The following AFF2 variants were observed in gnomAD, a reference collection of about 807,000 sequenced individuals.
AFF2 encodes the protein AF4/FMR2 family member 2.
AFF2 carries 14 observed loss-of-function variants against 76.9 expected under a neutral mutation model. That is an observed-to-expected ratio of 0.18 (90% CI 0.12 to 0.28). AFF2 has a LOEUF of 0.28. Ranked by LOEUF, AFF2 falls within the 10% of genes least tolerant of loss-of-function variation. The pLI, the probability that AFF2 is intolerant of heterozygous loss-of-function variation, is 1.00. For synonymous variants in AFF2, 398 were observed against 366.7 expected (o/e 1.09, Z -0.98); for missense variants, 868 against 1,001.1 (o/e 0.87, Z 1.79).
chrX:148,891,464 G>T (rs782183215), intron 8 of AFF2, among the ~76,000 whole-genome samples: 2 of 111,295 alleles, frequency 1.8e-5, no homozygotes, highest in African/African-American at 6.5e-5. Flanking sequence ...AGTCTCAAAG[G>T]TTTTTTTAAC....
At chrX:148,586,212 A>C (rs901796785) in intron 1 of AFF2, among the ~76,000 whole-genome samples, 7 of 111,316 alleles carry the variant, frequency 6.3e-5, no homozygotes, top group African/African-American at 2.3e-4. Flanking sequence ...AGGTGTATTA[A>C]CTAGGCTTGA....
At chrX:148,659,306 C>A (rs183857466) in intron 2 of AFF2, among the ~76,000 whole-genome samples, 1 of 112,337 alleles carries the variant, frequency 8.9e-6, no homozygotes, top group East Asian at 2.8e-4. Context: ...AGATGAACCT[C>A]TTTTATTTAC....
intron 1 of AFF2, among the ~76,000 whole-genome samples, chrX:148,549,022 G>A (rs782420294): frequency 1.1e-4 from 12 of 111,991 alleles, no homozygotes; most frequent in South Asian, 7.4e-4. Context: ...AGATTCATAG[G>A]CTAAAAGGAA....
At chrX:148,933,790 A>AT (rs1165452620) in intron 9 of AFF2, among the ~76,000 whole-genome samples, 1 of 111,729 alleles carries the variant, frequency 9.0e-6, no homozygotes, top group Non-Finnish European at 1.9e-5. Context: ...TATTTAAATA[A>AT]TTTTTTTTCA....
intron 15 of AFF2, among the ~76,000 whole-genome samples, chrX:148,969,765 G>A (rs782021446): frequency 9.2e-6 from 1 of 108,319 alleles, no homozygotes; most frequent in Non-Finnish European, 1.9e-5. Context: ...TGGTGGTGGT[G>A]GGGGGGTGAT....
chrX:148,951,522 G>A (rs2071968610), intron 9 of AFF2, among the ~76,000 whole-genome samples: 1 of 111,182 alleles, frequency 9.0e-6, no homozygotes, highest in Admixed American at 9.6e-5. Flanking sequence ...TCATAAATGT[G>A]GATACAAATT....
intron 3 of AFF2, among the ~76,000 whole-genome samples, chrX:148,793,253 T>A (rs1442755393): frequency 3.9e-5 from 1 of 25,442 alleles, no homozygotes; most frequent in Non-Finnish European, 7.1e-5. Flanking sequence ...TTTGGCAGGG[T>A]GGGTGGGGGA....
intron 9 of AFF2, among the ~76,000 whole-genome samples, chrX:148,919,625 C>T (rs1246664119): frequency 9.1e-6 from 1 of 110,352 alleles, no homozygotes; most frequent in African/African-American, 3.3e-5. Context: ...AAAATTATGA[C>T]ATTTGAAAAA....
chrX:148,928,731 C>T (rs2071680770), intron 9 of AFF2, among the ~76,000 whole-genome samples: 1 of 112,205 alleles, frequency 8.9e-6, no homozygotes, highest in African/African-American at 3.2e-5. Context: ...TCATTTCAGG[C>T]TCTGCAGACC....
intron 1 of AFF2, among the ~76,000 whole-genome samples, chrX:148,589,223 G>T (rs181118395): frequency 9.0e-6 from 1 of 111,281 alleles, no homozygotes; most frequent in Admixed American, 9.5e-5. Flanking sequence ...TTAATTATGA[G>T]AAATTAAAAA....
intron 3 of AFF2, among the ~76,000 whole-genome samples, chrX:148,731,430 G>A (rs1325327847): frequency 1.8e-5 from 2 of 111,690 alleles, no homozygotes; most frequent in East Asian, 2.8e-4. Context: ...TTCCTTCAAA[G>A]TGCAACCCCT....
At chrX:148,549,004 A>G (rs982560368) in intron 1 of AFF2, among the ~76,000 whole-genome samples, 1 of 112,308 alleles carries the variant, frequency 8.9e-6, no homozygotes, top group Non-Finnish European at 1.9e-5. Context: ...TTTTTGTTTT[A>G]GTTAAAAAGA....
chrX:148,743,003 A>C (rs1446061896), intron 3 of AFF2, among the ~76,000 whole-genome samples: 2 of 111,618 alleles, frequency 1.8e-5, no homozygotes, highest in African/African-American at 6.5e-5. Context: ...GTGTTTCTTG[A>C]CAGAGGTAAG....
At chrX:148,969,785 C>T (rs1255546697) in intron 15 of AFF2, among the ~76,000 whole-genome samples, 1 of 110,522 alleles carries the variant, frequency 9.0e-6, no homozygotes, top group African/African-American at 3.3e-5. Flanking sequence ...TATGGAAAAA[C>T]AAGGTTGAGG....
intron 1 of AFF2, among the ~76,000 whole-genome samples, chrX:148,539,532 A>C (rs782225870): frequency 4.5e-5 from 5 of 111,240 alleles, no homozygotes; most frequent in Non-Finnish European, 9.4e-5. Context: ...AGAATCAACA[A>C]GAACTGGAAG....
At chrX:148,734,242 C>T (rs193052718) in intron 3 of AFF2, among the ~76,000 whole-genome samples, 1 of 111,101 alleles carries the variant, frequency 9.0e-6, no homozygotes, top group South Asian at 3.8e-4. Context: ...CAGTAGCCGG[C>T]GAGGACTATG....
rs782217302 is a variant in AFF2 at position 148,501,075 on chromosome X, C to CCCG, written c.-11_-9dup. 23 of 1,188,961 alleles carry CCCG rather than the reference C, an allele frequency of 1.9e-5. No individual in the cohort carries two copies. Among genetic ancestry groups the CCCG allele is most frequent in the African/African-American group, 3.7e-5 (2 of 53,382 alleles). The stretch of plus-strand genomic sequence containing the variant: ...CGCTGCGATCAGGGACAGGCGCCCG[C>CCCG]CCGCCGCCGCCGCCTGGCCGCTATG... On this transcript the variant is annotated 5_prime_UTR_variant, in exon 1 of 21. Transcript: ENST00000370460.
At chrX:148,859,267 G>A (rs2070820284) in intron 7 of AFF2, among the ~76,000 whole-genome samples, 1 of 108,479 alleles carries the variant, frequency 9.2e-6, no homozygotes. Context: ...AATGGTTACT[G>A]GGCTTAATAT....
intron 3 of AFF2, among the ~76,000 whole-genome samples, chrX:148,705,320 C>T (rs1603282201): frequency 8.9e-6 from 1 of 112,100 alleles, no homozygotes; most frequent in Non-Finnish European, 1.9e-5. Context: ...GTCAAGGTGC[C>T]ACAGTCAAGA....
Sources: gnomAD v4.1 joint callset for allele counts (sites outside exome capture counted in the v4.1 genomes callset) on GRCh38, gnomAD v4.1.1 for gene constraint, MANE v1.5 for transcripts, NCBI Gene and HGNC (gene_info 2026-07-23, HGNC 2026-07-21) for gene names.